Variants in DPH6 observed in about 807,000 individuals in gnomAD.
DPH6 encodes the protein diphthine--ammonia ligase.
Under a neutral mutation model 38.2 loss-of-function variants are expected in DPH6, and 33 were observed. The observed-to-expected ratio is 0.86, with a 90% CI of 0.65 to 1.15. DPH6 has a LOEUF of 1.15. DPH6 is among the 50% of genes most tolerant of loss of function. The pLI is 0.00. For synonymous variants in DPH6, 108 were observed against 103.0 expected (o/e 1.05, Z -0.30); for missense variants, 325 against 320.0 (o/e 1.02, Z -0.12).
chr15:35,517,699 T>C (rs1405767383), intron 3 of DPH6, among the ~76,000 whole-genome samples: 3 of 152,074 alleles, frequency 2.0e-5, no homozygotes, highest in Admixed American at 2.0e-4. Flanking sequence ...TCAAGATTAC[T>C]CAAAAGCAAT....
chr15:35,342,382 A>T (rs1566875022), intron 3 of DPH6, among the ~76,000 whole-genome samples: 1 of 152,242 alleles, frequency 6.6e-6, no homozygotes, highest in Non-Finnish European at 1.5e-5. Context: ...GCAGGGCCAC[A>T]CAATCACTCA....
chr15:35,468,647 T>C (rs886645403), intron 3 of DPH6, among the ~76,000 whole-genome samples: 6 of 151,752 alleles, frequency 4.0e-5, no homozygotes, highest in African/African-American at 1.5e-4. Context: ...GTAACCCCAA[T>C]GGACAGGATT....
chr15:35,432,411 G>A (rs2053643801), intron 5 of DPH6, among the ~76,000 whole-genome samples: 1 of 152,100 alleles, frequency 6.6e-6, no homozygotes, highest in Non-Finnish European at 1.5e-5. Context: ...TCTTAGCCAT[G>A]CACAGTTCCT....
intron 3 of DPH6, among the ~76,000 whole-genome samples, chr15:35,246,981 A>G (rs1011479690): frequency 6.6e-6 from 1 of 152,194 alleles, no homozygotes; most frequent in African/African-American, 2.4e-5. Context: ...GAATATGATC[A>G]TGTAGTTTTT....
intron 3 of DPH6, among the ~76,000 whole-genome samples, chr15:35,529,283 GA>G (rs2055050718): frequency 6.6e-6 from 1 of 152,158 alleles, no homozygotes; most frequent in Middle Eastern, 3.2e-3. Flanking sequence ...GAAGTCGAAA[GA>G]AAAGCAAGCA....
chr15:35,325,209 T>C (rs2052272359), intron 3 of DPH6, among the ~76,000 whole-genome samples: 1 of 152,204 alleles, frequency 6.6e-6, no homozygotes, highest in Non-Finnish European at 1.5e-5. Context: ...TGGTTTTTTT[T>C]TATTCAAATT....
chr15:35,440,676 AG>A (rs1338244546), intron 5 of DPH6, among the ~76,000 whole-genome samples: 1 of 152,216 alleles, frequency 6.6e-6, no homozygotes, highest in Non-Finnish European at 1.5e-5. Context: ...GAACCCGCAC[AG>A]GGTCTTGCCT....
intron 3 of DPH6, among the ~76,000 whole-genome samples, chr15:35,476,184 A>G (rs1323227266): frequency 2.6e-5 from 4 of 151,888 alleles, no homozygotes; most frequent in African/African-American, 9.7e-5. Context: ...CTTACTAGGC[A>G]TGTATTTCTA....
chr15:35,372,090 T>C lies in DPH6; in HGVS notation c.*60A>G, dbSNP rs1335771710. ...AAACTAGTCATAGTAACTGAGAAAA[T>C]ACTATGCAATTTTTTTGTATAGAAA... is the stretch of plus-strand genomic sequence containing the variant. On this transcript the variant is annotated 3_prime_UTR_variant, in exon 9 of 9. Coordinates refer to ENST00000256538, the MANE Select transcript of DPH6 (RefSeq NM_080650.4). 6.7e-7 allele frequency: 1 copy of C among 1,482,380 alleles called. No individual in the cohort carries two copies. Among genetic ancestry groups the C allele is most frequent in the Non-Finnish European group, 8.9e-7 (1 of 1,121,568 alleles). 91.8% of individuals were successfully genotyped at this position (1,482,380 alleles called of 1,614,324 possible). A position where few individuals can be genotyped will look rare whatever the true frequency, so the allele number is the denominator to read the frequency against.
intron 3 of DPH6, among the ~76,000 whole-genome samples, chr15:35,361,442 A>G (rs979303492): frequency 2.0e-5 from 3 of 151,282 alleles, no homozygotes; most frequent in African/African-American, 7.3e-5. Flanking sequence ...TAGTCCTTTG[A>G]TCTTGAATTT....
downstream of DPH6, among the ~76,000 whole-genome samples, chr15:35,368,172 G>T (rs1310931000): frequency 1.3e-5 from 2 of 151,872 alleles, no homozygotes; most frequent in Admixed American, 1.3e-4. Context: ...GTGCCTAAAG[G>T]TATAAGAGTA....
chr15:35,434,735 A>C (rs1182920580), intron 5 of DPH6, among the ~76,000 whole-genome samples: 5 of 152,174 alleles, frequency 3.3e-5, no homozygotes, highest in Non-Finnish European at 7.3e-5. Flanking sequence ...ATATATAATT[A>C]AGAAACATAA....
chr15:35,467,427 A>T (rs575752330), intron 3 of DPH6, among the ~76,000 whole-genome samples: 1 of 152,180 alleles, frequency 6.6e-6, no homozygotes, highest in East Asian at 1.9e-4. Context: ...TTAGCTGGGC[A>T]TGGTGGTGCG....
chr15:35,155,173 C>T, the DPH6 span, among the ~76,000 whole-genome samples: 4 of 151,992 alleles, frequency 2.6e-5, no homozygotes, highest in East Asian at 1.9e-4. Context: ...GCACATTGCC[C>T]GATCTTTTTT....
chr15:35,542,432 T>TA lies in DPH6; in HGVS notation c.98dup (p.Arg34LysfsTer4). The stretch of plus-strand genomic sequence containing the variant: ...ACTTACCTTGGTTTTCAGCTGGTCT[T>TA]AGATTTGCTAAAGCAACGATCTGAT... On this transcript the variant is annotated frameshift_variant, in exon 2 of 9. Coordinates refer to ENST00000256538, the MANE Select transcript of DPH6 (RefSeq NM_080650.4). LOFTEE classifies it high-confidence loss of function. 1 of 1,571,754 alleles carries TA rather than the reference T, an allele frequency of 6.4e-7. No individual in the cohort carries two copies. Among genetic ancestry groups the TA allele is most frequent in the Non-Finnish European group, 8.7e-7 (1 of 1,147,428 alleles).
intron 3 of DPH6, among the ~76,000 whole-genome samples, chr15:35,479,030 AATCC>A (rs1408709510): frequency 6.6e-6 from 1 of 152,084 alleles, no homozygotes; most frequent in Non-Finnish European, 1.5e-5. Flanking sequence ...AGCTATGAAA[AATCC>A]ATTTATAAAG....
intron 7 of DPH6, among the ~76,000 whole-genome samples, chr15:35,378,360 C>A (rs1485792199): frequency 6.6e-6 from 1 of 152,168 alleles, no homozygotes; most frequent in Admixed American, 6.5e-5. Flanking sequence ...GAAACAGGAA[C>A]AATTTTACAC....
At chr15:35,210,798 C>G in the DPH6 span, among the ~76,000 whole-genome samples, 1 of 151,910 alleles carries the variant, frequency 6.6e-6, no homozygotes, top group African/African-American at 2.4e-5. Context: ...AAGGGTGGCA[C>G]TGTGTTTATG....
chr15:35,408,107 T>G (rs542102780), intron 6 of DPH6, among the ~76,000 whole-genome samples: 9 of 151,994 alleles, frequency 5.9e-5, no homozygotes, highest in African/African-American at 2.2e-4. Flanking sequence ...GAGAAGTGCT[T>G]GGATTTATAA....
Sources: gnomAD v4.1 joint callset for allele counts (sites outside exome capture counted in the v4.1 genomes callset) on GRCh38, gnomAD v4.1.1 for gene constraint, MANE v1.5 for transcripts, NCBI Gene and HGNC (gene_info 2026-07-23, HGNC 2026-07-21) for gene names.